Variants in CA8 observed in about 807,000 individuals in gnomAD.
The protein encoded by CA8 is carbonic anhydrase 8 (inactive).
CA8 carries 22 observed loss-of-function variants against 41.4 expected under a neutral mutation model. The observed-to-expected ratio is 0.53, with a 90% CI of 0.38 to 0.76. The LOEUF (loss-of-function observed/expected upper bound fraction) is 0.76, where lower values mean the gene tolerates loss of function less well. Among genes scored for constraint, CA8 ranks in the 30% least tolerant of loss-of-function variants. The probability of loss-of-function intolerance (pLI) is 0.00; values close to 1 mark genes in which losing one functional copy is unlikely to be tolerated. For missense variants in CA8, 270 were observed against 352.8 expected, an observed-to-expected ratio of 0.77 and a Z score of 1.88; for synonymous variants, 121 against 130.6, an observed-to-expected ratio of 0.93 and a Z score of 0.50.
At chr8:60,232,959 G>A (rs1454047578) in intron 3 of CA8, among the ~76,000 whole-genome samples, 6 of 152,280 alleles carry the variant, frequency 3.9e-5, no homozygotes, top group South Asian at 2.1e-4. Flanking sequence ...CTGCACTGGC[G>A]ATAAAATTTT....
At chr8:60,233,795 A>T (rs1414177306) in intron 3 of CA8, among the ~76,000 whole-genome samples, 1 of 151,110 alleles carries the variant, frequency 6.6e-6, no homozygotes, top group Non-Finnish European at 1.5e-5. Flanking sequence ...ATTTTGGGGC[A>T]TTTTTTTAAA....
chr8:60,273,163 T>C (rs10216440), intron 2 of CA8, among the ~76,000 whole-genome samples: 128,025 of 152,232 alleles, frequency 0.84, 53,951 homozygotes, highest in African/African-American at 0.89. Context: ...AAGGCTGTCA[T>C]GTGAGCAACA....
At chr8:60,207,553 C>A (rs559378554) in intron 8 of CA8, among the ~76,000 whole-genome samples, 1 of 152,316 alleles carries the variant, frequency 6.6e-6, no homozygotes, top group South Asian at 2.1e-4. Flanking sequence ...GCACTCCATC[C>A]AGGGTTTCCA....
At chr8:60,243,975 G>A (rs987625645) in intron 3 of CA8, among the ~76,000 whole-genome samples, 37 of 152,060 alleles carry the variant, frequency 2.4e-4, no homozygotes, top group African/African-American at 6.0e-4. Context: ...TTTCTGTCCC[G>A]AGACCATATC....
At chr8:60,211,255 TA>T (rs2130431201) in intron 7 of CA8, among the ~76,000 whole-genome samples, 1 of 152,386 alleles carries the variant, frequency 6.6e-6, no homozygotes, top group East Asian at 1.9e-4. Flanking sequence ...CTAGCACTTC[TA>T]TTGCACAACT....
chr8:60,215,935 T>C (rs6986354), intron 7 of CA8, among the ~76,000 whole-genome samples: 5,489 of 152,320 alleles, frequency 0.036, 130 homozygotes, highest in Middle Eastern at 0.065. Context: ...ACCAATTCTT[T>C]CCACAATAAT....
chr8:60,210,546 T>A (rs965854592), intron 7 of CA8, among the ~76,000 whole-genome samples: 1 of 151,804 alleles, frequency 6.6e-6, no homozygotes, highest in African/African-American at 2.4e-5. Flanking sequence ...CACTCATACA[T>A]AGAGTTGGAA....
chr8:60,281,305 A>G lies in CA8; in HGVS notation c.-158T>C. ...GCCTCCGGGTGTGAACCGCAGTGTG[A>G]GTGCAAGCAGGCGTGCGTTCGGACC... On this transcript the variant is annotated 5_prime_UTR_variant, in exon 1 of 9. Transcript: ENST00000317995. The G allele has an allele frequency of 1.6e-6, 1 of 628,414 alleles. No individual in the cohort carries two copies. The highest frequency in any genetic ancestry group is 2.8e-6 in the Non-Finnish European group (1 of 353,188). 38.9% of individuals were successfully genotyped at this position (628,414 alleles called of 1,614,324 possible). A position where few individuals can be genotyped will look rare whatever the true frequency, so the allele number is the denominator to read the frequency against.
chr8:60,255,799 T>C (rs1028967324), intron 3 of CA8, among the ~76,000 whole-genome samples: 8 of 152,236 alleles, frequency 5.3e-5, no homozygotes, highest in Non-Finnish European at 1.2e-4. Context: ...ATACTGCTCT[T>C]AAAATGTTTT....
chr8:60,260,512 G>A (rs1267998555), intron 3 of CA8, among the ~76,000 whole-genome samples: 1 of 152,168 alleles, frequency 6.6e-6, no homozygotes, highest in Non-Finnish European at 1.5e-5. Flanking sequence ...CCATTGTGTT[G>A]TCTCTCTGCA....
intron 3 of CA8, among the ~76,000 whole-genome samples, chr8:60,242,194 A>C (rs1808052684): frequency 6.6e-6 from 1 of 152,232 alleles, no homozygotes; most frequent in South Asian, 2.1e-4. Context: ...ATGTTAAAGG[A>C]TGCTGTGGGT....
At chr8:60,204,269 T>C (rs1215893759) in intron 8 of CA8, among the ~76,000 whole-genome samples, 1 of 152,228 alleles carries the variant, frequency 6.6e-6, no homozygotes, top group Non-Finnish European at 1.5e-5. Flanking sequence ...GATTTCCTTA[T>C]GGAAAAATAT....
At chr8:60,206,766 C>T (rs1041877564) in intron 8 of CA8, among the ~76,000 whole-genome samples, 4 of 152,030 alleles carry the variant, frequency 2.6e-5, no homozygotes, top group Admixed American at 1.3e-4. Context: ...ACAGAGAGTG[C>T]CCATCCTCTC....
chr8:60,268,181 G>A lies in CA8; in HGVS notation c.293-2132C>T, dbSNP rs540480214. 6.6e-5 allele frequency among the ~76,000 whole-genome samples: 10 copies of A among 152,276 alleles called. No homozygotes were observed. The South Asian group carries it at 2.1e-3, about 32-fold the overall frequency. On this transcript the variant is annotated intron_variant, in intron 2 of 8. Transcript: ENST00000317995. ...AAAGTGATAAAACTGTCCTAGAAAA[G>A]GCTCAGCTCCACGTGGCTAAGGAAA...
At chr8:60,201,073 C>A (rs1806412787) in intron 8 of CA8, among the ~76,000 whole-genome samples, 2 of 152,058 alleles carry the variant, frequency 1.3e-5, no homozygotes, top group Non-Finnish European at 1.5e-5. Flanking sequence ...ATCTGCAGAA[C>A]TTGATAAAAC....
At chr8:60,193,936 A>G (rs1488551408) in intron 8 of CA8, among the ~76,000 whole-genome samples, 1 of 152,038 alleles carries the variant, frequency 6.6e-6, no homozygotes, top group Non-Finnish European at 1.5e-5. Context: ...GACCTCTTAA[A>G]CTGGTCCTCT....
At chr8:60,210,315 T>A (rs11995055) in intron 7 of CA8, among the ~76,000 whole-genome samples, 55,854 of 152,082 alleles carry the variant, frequency 0.37, 10,719 homozygotes, top group Admixed American at 0.45. Flanking sequence ...TCCACAAAGA[T>A]CCTTAATATG....
chr8:60,205,703 C>T (rs1312918157), intron 8 of CA8, among the ~76,000 whole-genome samples: 8 of 152,104 alleles, frequency 5.3e-5, no homozygotes, highest in Admixed American at 5.2e-4. Context: ...TCACAGATTA[C>T]TCATGGGAAT....
intron 3 of CA8, among the ~76,000 whole-genome samples, chr8:60,243,058 A>T (rs909363643): frequency 1.3e-5 from 2 of 152,196 alleles, no homozygotes; most frequent in Non-Finnish European, 2.9e-5. Flanking sequence ...TGAAAAACTG[A>T]AGAATTGGGG....
Sources: gnomAD v4.1 joint callset for allele counts (sites outside exome capture counted in the v4.1 genomes callset) on GRCh38, gnomAD v4.1.1 for gene constraint, MANE v1.5 for transcripts, NCBI Gene and HGNC (gene_info 2026-07-23, HGNC 2026-07-21) for gene names.